Variants in MACROD2 observed in about 807,000 individuals in gnomAD.
The protein encoded by MACROD2 is mono-ADP ribosylhydrolase 2.
MACROD2 carries 36 observed loss-of-function variants against 70.4 expected under a neutral mutation model. The observed-to-expected ratio is 0.51, with a 90% CI of 0.39 to 0.68. The LOEUF (loss-of-function observed/expected upper bound fraction) is 0.68, where lower values mean the gene tolerates loss of function less well. Among genes scored for constraint, MACROD2 ranks in the 30% least tolerant of loss-of-function variants. The pLI is 0.00. For missense variants in MACROD2, 496 were observed against 538.4 expected (o/e 0.92, Z 0.78); for synonymous variants, 172 against 178.8 (o/e 0.96, Z 0.30).
intron 6 of MACROD2, 130 bp from the exon 7 acceptor site, chr20:15,431,275 C>T: frequency 1.3e-6 from 1 of 755,844 alleles, no homozygotes; most frequent in Non-Finnish European, 2.2e-6. Flanking sequence ...GTGTCCCCTA[C>T]TCCAACTCAT....
intron 8 of MACROD2, among the ~76,000 whole-genome samples, chr20:15,793,277 G>C (rs150212245): frequency 6.6e-6 from 1 of 152,234 alleles, no homozygotes; most frequent in Non-Finnish European, 1.5e-5. Flanking sequence ...GGTCCCCACC[G>C]TAGAGACTCT....
intron 5 of MACROD2, among the ~76,000 whole-genome samples, chr20:14,948,964 T>C (rs1231255437): frequency 6.6e-6 from 1 of 152,188 alleles, no homozygotes; most frequent in Non-Finnish European, 1.5e-5. Context: ...TACACGTATA[T>C]GAGTAGATAG....
At position 15,334,729 on chromosome 20, in the gene MACROD2, T is replaced by A. The variant is rs2078030263; in HGVS notation, c.541-96676T>A. On this transcript the variant is annotated intron_variant, in intron 6 of 17. Coordinates refer to ENST00000684519, the MANE Select transcript of MACROD2 (RefSeq NM_001351661.2). The stretch of plus-strand genomic sequence containing the variant: ...ATCTATATTTATTTACAAATAGATA[T>A]AAGATTATTGCAATGTATATTATGT... 1.3e-5 allele frequency among the ~76,000 whole-genome samples: 2 copies of A among 151,636 alleles called. 1 individual carries two copies. The highest frequency in any genetic ancestry group is 4.9e-5 in the African/African-American group (2 of 40,954).
chr20:14,699,141 T>G (rs1422966405), intron 5 of MACROD2, among the ~76,000 whole-genome samples: 1 of 152,162 alleles, frequency 6.6e-6, no homozygotes, highest in Non-Finnish European at 1.5e-5. Flanking sequence ...ACCTGCCTAA[T>G]GAAAAGCTCA....
intron 3 of MACROD2, among the ~76,000 whole-genome samples, chr20:14,434,309 T>C (rs1717762145): frequency 6.6e-6 from 1 of 152,212 alleles, no homozygotes; most frequent in Non-Finnish European, 1.5e-5. Context: ...TTATTTTGAA[T>C]CTTTTTTGTA....
chr20:15,233,992 T>G (rs1435841272), intron 6 of MACROD2, among the ~76,000 whole-genome samples: 1 of 71,648 alleles, frequency 1.4e-5, no homozygotes, highest in African/African-American at 4.6e-5. Context: ...TTTATATATA[T>G]ATATATATAT....
At chr20:14,531,605 G>A (rs940930240) in intron 4 of MACROD2, among the ~76,000 whole-genome samples, 2 of 152,164 alleles carry the variant, frequency 1.3e-5, no homozygotes, top group African/African-American at 4.8e-5. Flanking sequence ...AGAAACCCAA[G>A]AAAACTTATA....
intron 5 of MACROD2, among the ~76,000 whole-genome samples, chr20:14,911,407 T>C (rs1337824014): frequency 6.6e-5 from 10 of 152,132 alleles, no homozygotes; most frequent in Non-Finnish European, 1.5e-5. Flanking sequence ...AGATAGGGTC[T>C]TGCTCTGTTG....
At chr20:16,003,073 C>T (rs2147508646) in intron 15 of MACROD2, among the ~76,000 whole-genome samples, 1 of 37,056 alleles carries the variant, frequency 2.7e-5, no homozygotes, top group African/African-American at 8.7e-5. Context: ...AGAAAACCCA[C>T]CCACCCACCC....
At chr20:14,781,792 T>C in intron 5 of MACROD2, among the ~76,000 whole-genome samples, 1 of 152,024 alleles carries the variant, frequency 6.6e-6, no homozygotes, top group South Asian at 2.1e-4. Flanking sequence ...GATTTAGTTA[T>C]GATTTTTATT....
intron 5 of MACROD2, among the ~76,000 whole-genome samples, chr20:15,084,817 T>C (rs573240911): frequency 1.2e-4 from 19 of 152,324 alleles, no homozygotes; most frequent in Non-Finnish European, 2.4e-4. Flanking sequence ...GGCAAACTTG[T>C]AATGCTGCAT....
At chr20:14,253,308 T>C (rs2082026713) in intron 3 of MACROD2, among the ~76,000 whole-genome samples, 1 of 152,022 alleles carries the variant, frequency 6.6e-6, no homozygotes, top group African/African-American at 2.4e-5. Flanking sequence ...TCAAAAGAAA[T>C]GTTTTAACAT....
chr20:14,935,558 C>T (rs555483674), intron 5 of MACROD2, among the ~76,000 whole-genome samples: 1 of 152,290 alleles, frequency 6.6e-6, no homozygotes, highest in South Asian at 2.1e-4. Flanking sequence ...GTGCTGGACA[C>T]CTTTTTAGAA....
chr20:15,129,095 A>T (rs1423674124), intron 5 of MACROD2, among the ~76,000 whole-genome samples: 3 of 152,054 alleles, frequency 2.0e-5, no homozygotes, highest in Non-Finnish European at 4.4e-5. Flanking sequence ...CATCAGAGTC[A>T]AATTATGTAT....
At chr20:14,046,867 A>T (rs1047545601) in intron 2 of MACROD2, among the ~76,000 whole-genome samples, 2 of 152,090 alleles carry the variant, frequency 1.3e-5, no homozygotes, top group Non-Finnish European at 2.9e-5. Context: ...AGGGATATTC[A>T]TAGCAATATT....
chr20:14,107,129 G>C (rs1317008936), intron 3 of MACROD2, among the ~76,000 whole-genome samples: 1 of 152,110 alleles, frequency 6.6e-6, no homozygotes, highest in Non-Finnish European at 1.5e-5. Flanking sequence ...GCTGTGTTGA[G>C]GAAACTCAAA....
At chr20:15,284,234 G>C (rs962344334) in intron 6 of MACROD2, among the ~76,000 whole-genome samples, 1 of 152,042 alleles carries the variant, frequency 6.6e-6, no homozygotes, top group African/African-American at 2.4e-5. Flanking sequence ...TCATCGCTAT[G>C]ATTGCTGTTT....
chr20:15,620,773 G>GT (rs1006417938), intron 8 of MACROD2, among the ~76,000 whole-genome samples: 2 of 151,970 alleles, frequency 1.3e-5, no homozygotes, highest in African/African-American at 4.8e-5. Flanking sequence ...TCACCAAGCT[G>GT]TTTTTTTGTT....
At chr20:14,316,289 G>A (rs1017512258) in intron 3 of MACROD2, among the ~76,000 whole-genome samples, 4 of 152,198 alleles carry the variant, frequency 2.6e-5, no homozygotes, top group Non-Finnish European at 5.9e-5. Flanking sequence ...GCATCATGGG[G>A]CAGAGGTCTG....
Sources: gnomAD v4.1 joint callset for allele counts (sites outside exome capture counted in the v4.1 genomes callset) on GRCh38, gnomAD v4.1.1 for gene constraint, MANE v1.5 for transcripts, NCBI Gene and HGNC (gene_info 2026-07-23, HGNC 2026-07-21) for gene names.